DDX47: variants seen among roughly 807,000 people sequenced by gnomAD.
The protein encoded by DDX47 is probable ATP-dependent RNA helicase DDX47.
DDX47 carries 60 observed loss-of-function variants against 58.8 expected under a neutral mutation model. The observed-to-expected ratio is 1.02, with a 90% CI of 0.83 to 1.26. The LOEUF is 1.26. DDX47 is among the 50% of genes most tolerant of loss of function. The pLI is 0.00. For synonymous variants in DDX47, 197 were observed against 204.6 expected, an observed-to-expected ratio of 0.96 and a Z score of 0.32; for missense variants, 530 against 573.2, an observed-to-expected ratio of 0.92 and a Z score of 0.77.
In DDX47 at chr12:12,824,500, A is replaced by G; in HGVS notation, c.898-40A>G. On this transcript the variant is annotated intron_variant, in intron 8 of 11. Transcript: ENST00000358007. ...TATTTTGTGTTTTGTATTCCAAAACATAGGTTAAGTTTTCCAACATTTCTT... is the reference window on the plus strand; with the variant it reads ...TATTTTGTGTTTTGTATTCCAAAACGTAGGTTAAGTTTTCCAACATTTCTT... The G allele has an allele frequency of 1.9e-6, 3 of 1,585,584 alleles. No individual in the cohort carries two copies. The South Asian group carries it at 3.5e-5, about 19-fold the overall frequency.
chr12:12,814,103 G>A (rs1240391985), intron 1 of DDX47, 28 bp from the exon 2 acceptor site: 4 of 1,494,280 alleles, frequency 2.7e-6, no homozygotes, highest in Middle Eastern at 3.4e-4. Context: ...GCTGTTCTTG[G>A]CTAAGGTATA....
In DDX47 at chr12:12,821,293, C is replaced by T. The variant is rs528363407; in HGVS notation, c.267C>T (p.Thr89=). The change falls in exon 3 of 12, where the codon ACC becomes ACT. Residue 89 remains threonine, a synonymous_variant. Transcript: ENST00000358007. ...ALPILNALLE[T]PQRLFALVLT... is the part of the protein sequence containing the mutation. ...CCATTCTAAACGCACTGCTGGAGAC[C>T]CCGCAGCGTTTGTTTGCCCTAGTTC... is the stretch of plus-strand genomic sequence containing the variant. 6 of 1,614,136 alleles carry T rather than the reference C, an allele frequency of 3.7e-6. No individual in the cohort carries two copies. The Admixed American group carries it at 6.7e-5, about 18-fold the overall frequency.
intron 10 of DDX47, 160 bp downstream of exon 10, chr12:12,826,230 C>A: frequency 1.9e-6 from 1 of 521,608 alleles, no homozygotes; most frequent in Non-Finnish European, 3.3e-6. Flanking sequence ...ACCTATCTAG[C>A]AGGGTTTTGG....
intron 6 of DDX47, 44 bp downstream of exon 6, chr12:12,822,776 T>C: frequency 6.8e-7 from 1 of 1,477,574 alleles, no homozygotes; most frequent in East Asian, 2.3e-5. Flanking sequence ...TGAGAATTGA[T>C]ACATAAAGTA....
intron 7 of DDX47, 67 bp from the exon 8 acceptor site, chr12:12,823,803 A>G (rs1466077189): frequency 3.0e-5 from 45 of 1,494,554 alleles, no homozygotes; most frequent in South Asian, 2.0e-4. Context: ...TACCTTATGT[A>G]TATGCCAGGT....
At chr12:12,820,465 A>G (rs1402413024) in intron 2 of DDX47, 2 of 152,252 alleles carry the variant, frequency 1.3e-5, no homozygotes, top group Non-Finnish European at 2.9e-5. Flanking sequence ...TTCCAGCCAC[A>G]TTGTACTTCT....
chr12:12,821,689 A>G lies in DDX47; in HGVS notation c.405A>G (p.Gln135=), dbSNP rs770116819. 13 of 1,613,884 alleles carry G rather than the reference A, an allele frequency of 8.1e-6. No individual in the cohort carries two copies. The highest frequency in any genetic ancestry group is 3.3e-5 in the Admixed American group (2 of 59,990). Residue 135 remains glutamine, a synonymous_variant, in exon 4 of 12, where the codon CAA becomes CAG. Transcript: ENST00000358007. ...VIVGGIDSMS[Q]SLALAKKPHI... is the part of the protein sequence containing the mutation. The stretch of plus-strand genomic sequence containing the variant: ...TAGGTGGAATTGATTCAATGTCTCA[A>G]TCTTTGGCCCTTGCAAAAAAACCAC...
chr12:12,828,623 T>G (rs1863089071), intron 11 of DDX47, among the ~76,000 whole-genome samples: 1 of 152,208 alleles, frequency 6.6e-6, no homozygotes, highest in South Asian at 2.1e-4. Context: ...TTGGAGTAGC[T>G]GAGGTGCACA....
In DDX47 at chr12:12,822,655, C is replaced by G; in HGVS notation, c.562-6C>G. The G allele has an allele frequency of 6.2e-7, 1 of 1,613,188 alleles. No individual in the cohort carries two copies. Among genetic ancestry groups the G allele is most frequent in the Non-Finnish European group, 8.5e-7 (1 of 1,179,364 alleles). ...ATATTGGCATCTTTTCCTCTTTGTG[C>G]TTTAGGTTGACAAGATCCTCAAAGT... is the stretch of plus-strand genomic sequence containing the variant. On this transcript the variant is annotated splice_region_variant and splice_polypyrimidine_tract_variant and intron_variant, in intron 5 of 11. Coordinates refer to ENST00000358007, the MANE Select transcript of DDX47 (RefSeq NM_016355.4).
intron 8 of DDX47, 158 bp downstream of exon 8, chr12:12,824,174 T>C: frequency 1.1e-6 from 1 of 930,910 alleles, no homozygotes; most frequent in Non-Finnish European, 1.6e-6. Context: ...GATACTTACT[T>C]TCTCCTTTCA....
At chr12:12,828,363 T>G (rs1863086322) in intron 11 of DDX47, among the ~76,000 whole-genome samples, 1 of 152,200 alleles carries the variant, frequency 6.6e-6, no homozygotes, top group Middle Eastern at 3.4e-3. Context: ...ACAAGTGAAT[T>G]TTGTGTTTAG....
At chr12:12,821,755 T>C (rs1158639710) in intron 4 of DDX47, 29 bp downstream of exon 4, 2 of 1,537,512 alleles carry the variant, frequency 1.3e-6, no homozygotes, top group Admixed American at 3.4e-5. Flanking sequence ...TAAAAGACAC[T>C]GGCAGTGATG....
chr12:12,815,885 G>T (rs965850325), intron 2 of DDX47, among the ~76,000 whole-genome samples: 2 of 152,166 alleles, frequency 1.3e-5, no homozygotes, highest in East Asian at 1.9e-4. Flanking sequence ...TCTCATAGCT[G>T]TGAAAGATCA....
intron 2 of DDX47, among the ~76,000 whole-genome samples, chr12:12,819,072 G>A (rs1243628581): frequency 6.6e-6 from 1 of 152,110 alleles, no homozygotes; most frequent in Non-Finnish European, 1.5e-5. Context: ...GATCTTACAG[G>A]TCTGTTCTAC....
chr12:12,826,022 G>T lies in DDX47; in HGVS notation c.1058G>T (p.Arg353Leu). ...HSKDYIHRVG[R>L]TARAGRSGKA... ...TAGGATTACATCCATCGAGTAGGTC[G>T]AACAGCTAGAGCTGGGCGCTCCGGA... Residue 353 changes from arginine (R) to leucine (L), a missense_variant, in exon 10 of 12, where the codon CGA (arginine) becomes CTA (leucine). By Grantham distance (102) the Arg-to-Leu change is moderately radical (BLOSUM62 -2). Transcript: ENST00000358007. 1.9e-6 allele frequency: 3 copies of T among 1,613,206 alleles called. No individual in the cohort carries two copies. The South Asian group carries it at 3.3e-5, about 18-fold the overall frequency.
chr12:12,826,175 A>T, intron 10 of DDX47, 105 bp downstream of exon 10: 2 of 872,326 alleles, frequency 2.3e-6, no homozygotes, highest in Non-Finnish European at 3.5e-6. Context: ...AATCACTTTC[A>T]TACTGAAAAC....
At chr12:12,813,521 C>G in intron 1 of DDX47, 67 bp downstream of exon 1, 1 of 1,368,486 alleles carries the variant, frequency 7.3e-7, no homozygotes, top group Admixed American at 2.0e-5. Context: ...CCCCAGGTAC[C>G]TTAGATCCCG....
At position 12,823,234 on chromosome 12, in the gene DDX47, A is replaced by G; in HGVS notation, c.665A>G (p.Asn222Ser). 6.2e-7 allele frequency: 1 copy of G among 1,614,066 alleles called. No homozygotes were observed. Among genetic ancestry groups the G allele is most frequent in the Non-Finnish European group, 8.5e-7 (1 of 1,179,880 alleles). The change falls in exon 7 of 12, where the codon AAT (asparagine) becomes AGT (serine). Residue 222 changes from asparagine (N) to serine (S), a missense_variant. Asn to Ser is a conservative substitution (Grantham distance 46). Transcript: ENST00000358007. ...VQKLQRAALK[N>S]PVKCAVSSKY... ...AAACTTCAGCGAGCAGCTCTGAAGA[A>G]TCCTGTGAAATGTGCCGTTTCCTCT... is the stretch of plus-strand genomic sequence containing the variant.
Position 12,814,132 on chromosome 12 carries a change from G to T in DDX47, c.89G>T (p.Gly30Val). 6.2e-7 allele frequency: 1 copy of T among 1,610,990 alleles called. No individual in the cohort carries two copies. The part of the protein sequence containing the change: ...EEETKTFKDL[G>V]VTDVLCEACD... Reference sequence around the variant, plus strand: ...AGGTATATTTTTCTGAATTCCAAGGGTGTGACAGATGTGTTGTGTGAAGCT... The same window carrying T: ...AGGTATATTTTTCTGAATTCCAAGGTTGTGACAGATGTGTTGTGTGAAGCT... The change falls in exon 2 of 12, where the codon GGT (glycine) becomes GTT (valine). Residue 30 changes from glycine to valine, a missense_variant and splice_region_variant. Transcript: ENST00000358007.
Sources: gnomAD v4.1 joint callset for allele counts (sites outside exome capture counted in the v4.1 genomes callset) on GRCh38, gnomAD v4.1.1 for gene constraint, MANE v1.5 for transcripts, NCBI Gene and HGNC (gene_info 2026-07-23, HGNC 2026-07-21) for gene names.